The following EXOC2 variants were observed in gnomAD, a reference collection of about 807,000 sequenced individuals.
EXOC2 encodes the protein exocyst complex component 2.
EXOC2 carries 70 observed loss-of-function variants against 131.8 expected under a neutral mutation model. The observed-to-expected ratio is 0.53, with a 90% CI of 0.44 to 0.65. EXOC2 has a LOEUF of 0.65. EXOC2 is among the 30% of genes least tolerant of loss of function. EXOC2 has a pLI of 0.00. For synonymous variants in EXOC2, 411 were observed against 398.4 expected, an observed-to-expected ratio of 1.03 and a Z score of -0.38; for missense variants, 923 against 1,108.6, an observed-to-expected ratio of 0.83 and a Z score of 2.38.
Position 660,003 on chromosome 6 carries a change from G to T in EXOC2, c.-43-22142C>A, listed in dbSNP as rs561224751. Among the ~76,000 whole-genome samples, 650 of 150,582 alleles carry T rather than the reference G, an allele frequency of 4.3e-3. 7 individuals are homozygous for T. Among genetic ancestry groups the T allele is most frequent in the African/African-American group, 0.015 (628 of 41,072 alleles). ...TTGCCACTCAGGGCTGTTGGGGGGGGGACACGGGGGGCACGGTGGTTGTGA... is the reference window on the plus strand; with the variant it reads ...TTGCCACTCAGGGCTGTTGGGGGGGTGACACGGGGGGCACGGTGGTTGTGA... On this transcript the variant is annotated intron_variant, in intron 1 of 27. Coordinates refer to ENST00000230449, the MANE Select transcript of EXOC2 (RefSeq NM_018303.6).
chr6:552,981 C>A (rs1023825072), intron 21 of EXOC2, among the ~76,000 whole-genome samples: 1 of 152,126 alleles, frequency 6.6e-6, no homozygotes, highest in African/African-American at 2.4e-5. Flanking sequence ...ACAGTGGAGC[C>A]ATCTTGGCTC....
chr6:564,597 C>A lies in EXOC2; in HGVS notation c.1615G>T (p.Val539Leu), dbSNP rs1308246388. 1.2e-6 allele frequency: 2 copies of A among 1,614,188 alleles called. No homozygotes were observed. Among genetic ancestry groups the A allele is most frequent in the Non-Finnish European group, 1.7e-6 (2 of 1,180,040 alleles). The change falls in exon 15 of 28, where the codon GTG (valine) becomes TTG (leucine). Residue 539 changes from valine to leucine, a missense_variant. Coordinates refer to ENST00000230449, the MANE Select transcript of EXOC2 (RefSeq NM_018303.6). The part of the protein sequence containing the change: ...GEAKQYGGWE[V>L]KCELSGQWLA... ...CACTGTCCGGAGAGCTCGCACTTCA[C>A]CTCCCAGCCTCCGTACTGCTTGGCT...
intron 13 of EXOC2, among the ~76,000 whole-genome samples, chr6:568,301 T>A (rs560465556): frequency 6.6e-6 from 1 of 152,330 alleles, no homozygotes; most frequent in East Asian, 1.9e-4. Flanking sequence ...GATCCTCCCA[T>A]GAGTTAGAGG....
chr6:558,762 G>A (rs185664946), intron 17 of EXOC2, among the ~76,000 whole-genome samples: 45 of 152,082 alleles, frequency 3.0e-4, no homozygotes, highest in African/African-American at 1.0e-3. Context: ...GCAGTAAGCC[G>A]AGATCATGCC....
intron 21 of EXOC2, among the ~76,000 whole-genome samples, chr6:552,448 C>T (rs1181611377): frequency 6.6e-6 from 1 of 152,210 alleles, no homozygotes; most frequent in Non-Finnish European, 1.5e-5. Flanking sequence ...AACAGAAGAA[C>T]CAGCATTTTT....
At chr6:491,007 C>T (rs1763396902) in intron 26 of EXOC2, 118 bp downstream of exon 26, 1 of 1,053,526 alleles carries the variant, frequency 9.5e-7, no homozygotes, top group South Asian at 1.4e-5. Context: ...TAAACTTTAT[C>T]ACATCACAAA....
At chr6:511,259 G>A (rs1010803524) in intron 23 of EXOC2, among the ~76,000 whole-genome samples, 3 of 152,198 alleles carry the variant, frequency 2.0e-5, no homozygotes, top group Non-Finnish European at 4.4e-5. Context: ...CGTGGAGCAC[G>A]GGAAAGAAGT....
At chr6:501,185 ATATATATCTATATATATTATATATATAT>A (rs1764079415) in intron 23 of EXOC2, among the ~76,000 whole-genome samples, 2 of 25,856 alleles carry the variant, frequency 7.7e-5, no homozygotes, top group African/African-American at 2.6e-4. Flanking sequence ...TCTATATATT[ATATATATCTATATATATTATATATATAT>A]TATATATATC....
chr6:615,774 A>G (rs1466110884), intron 6 of EXOC2, among the ~76,000 whole-genome samples: 1 of 151,780 alleles, frequency 6.6e-6, no homozygotes, highest in African/African-American at 2.4e-5. Flanking sequence ...AGGTGAGGGG[A>G]TGGTTTTAGT....
intron 25 of EXOC2, among the ~76,000 whole-genome samples, chr6:495,215 T>A (rs1034593245): frequency 3.4e-5 from 5 of 148,842 alleles, no homozygotes; most frequent in Admixed American, 2.0e-4. Context: ...GAGCTCCACC[T>A]CCAGGGTTCA....
At chr6:579,813 A>T (rs894541674) in intron 11 of EXOC2, among the ~76,000 whole-genome samples, 2 of 152,178 alleles carry the variant, frequency 1.3e-5, no homozygotes, top group Admixed American at 1.3e-4. Flanking sequence ...TTTAAATTAC[A>T]TAACTTACTA....
intron 1 of EXOC2, chr6:669,967 T>A (rs1763790758): frequency 6.6e-6 from 1 of 152,228 alleles, no homozygotes; most frequent in African/African-American, 2.4e-5. Context: ...GTGTTCATAC[T>A]CCATAGACAT....
chr6:556,672 G>T, intron 17 of EXOC2, 108 bp from the exon 18 acceptor site: 2 of 1,147,652 alleles, frequency 1.7e-6, no homozygotes, highest in East Asian at 2.4e-5. Flanking sequence ...CAGATTAATG[G>T]AATGGAACAG....
intron 10 of EXOC2, among the ~76,000 whole-genome samples, chr6:596,153 C>T (rs557031211): frequency 9.9e-5 from 15 of 151,870 alleles, no homozygotes; most frequent in Non-Finnish European, 1.8e-4. Context: ...ATGCTGCACA[C>T]GTGCAGGGGT....
At chr6:570,356 A>G (rs1293365492) in intron 13 of EXOC2, among the ~76,000 whole-genome samples, 1 of 152,126 alleles carries the variant, frequency 6.6e-6, no homozygotes, top group Non-Finnish European at 1.5e-5. Context: ...GATGATTTCA[A>G]TCTCCTGACC....
At chr6:529,903 A>G (rs777605651) in intron 23 of EXOC2, among the ~76,000 whole-genome samples, 3 of 152,238 alleles carry the variant, frequency 2.0e-5, no homozygotes, top group Non-Finnish European at 4.4e-5. Flanking sequence ...CATTTTAACT[A>G]TTACCGAAAA....
At chr6:583,815 G>A (rs1216402422) in intron 11 of EXOC2, among the ~76,000 whole-genome samples, 1 of 152,210 alleles carries the variant, frequency 6.6e-6, no homozygotes, top group Non-Finnish European at 1.5e-5. Context: ...CTTCCCTGGA[G>A]GTCCGCCCAC....
At chr6:586,653 A>C (rs1759225211) in intron 11 of EXOC2, among the ~76,000 whole-genome samples, 1 of 152,208 alleles carries the variant, frequency 6.6e-6, no homozygotes, top group South Asian at 2.1e-4. Context: ...CTCTGACATC[A>C]CATTGAGAAA....
chr6:519,166 G>A (rs12194232), intron 23 of EXOC2, among the ~76,000 whole-genome samples: 6,080 of 18,356 alleles, frequency 0.33, 1,090 homozygotes, highest in East Asian at 0.49. Context: ...TCGGAGACGA[G>A]AACCACCACC....
Sources: allele counts gnomAD v4.1 joint callset (sites outside exome capture counted in the v4.1 genomes callset), GRCh38; gene constraint gnomAD v4.1.1; transcripts MANE v1.5; gene names NCBI Gene and HGNC (gene_info 2026-07-23, HGNC 2026-07-21).